Variants in PKHD1 observed in about 807,000 individuals in gnomAD.
The protein encoded by PKHD1 is PKHD1 ciliary IPT domain containing fibrocystin/polyductin.
In PKHD1, 291 loss-of-function variants were observed where a neutral mutation model predicts 412.0. That is an observed-to-expected ratio of 0.71 (90% CI 0.64 to 0.78). The LOEUF (loss-of-function observed/expected upper bound fraction) is 0.78. Among genes scored for constraint, PKHD1 ranks in the 30% least tolerant of loss-of-function variants. The probability of loss-of-function intolerance (pLI) is 0.00; values close to 1 mark genes in which losing one functional copy is unlikely to be tolerated. For synonymous variants in PKHD1, 1,777 were observed against 1,821.5 expected (o/e 0.98, Z 0.62); for missense variants, 4,825 against 4,950.7 (o/e 0.97, Z 0.76).
chr6:51,817,153 G>C (rs546573238), intron 52 of PKHD1, among the ~76,000 whole-genome samples: 4 of 19,730 alleles, frequency 2.0e-4, no homozygotes, highest in African/African-American at 2.2e-4. Context: ...GTTTTTTGAG[G>C]GGTTTTTTTT....
At chr6:51,812,958 A>C (rs560992925) in intron 52 of PKHD1, among the ~76,000 whole-genome samples, 138 of 152,346 alleles carry the variant, frequency 9.1e-4, no homozygotes, top group South Asian at 7.3e-3. Context: ...ATTGCCAATC[A>C]GAAAATCTTT....
At chr6:51,697,302 T>C (rs894538809) in intron 60 of PKHD1, among the ~76,000 whole-genome samples, 7 of 152,234 alleles carry the variant, frequency 4.6e-5, no homozygotes, top group African/African-American at 1.4e-4. Flanking sequence ...GTCATGAAAT[T>C]TGTGTTAGAT....
chr6:51,647,917 T>A, intron 63 of PKHD1, 114 bp downstream of exon 63: 1 of 740,134 alleles, frequency 1.4e-6, no homozygotes, highest in Non-Finnish European at 2.5e-6. Flanking sequence ...TCTTCCCAAA[T>A]TACTGAAGAA....
At chr6:51,722,925 G>A (rs1329988140) in intron 60 of PKHD1, among the ~76,000 whole-genome samples, 2 of 152,046 alleles carry the variant, frequency 1.3e-5, no homozygotes, top group African/African-American at 2.4e-5. Flanking sequence ...ACAGAAATAG[G>A]CCTGCTCTGA....
intron 56 of PKHD1, among the ~76,000 whole-genome samples, chr6:51,754,101 C>T (rs1562237583): frequency 6.6e-6 from 1 of 152,146 alleles, no homozygotes; most frequent in Non-Finnish European, 1.5e-5. Context: ...CATTCTCCAT[C>T]CCCTTTATTT....
At chr6:51,905,455 G>A (rs1781933641) in intron 41 of PKHD1, among the ~76,000 whole-genome samples, 1 of 152,172 alleles carries the variant, frequency 6.6e-6, no homozygotes, top group African/African-American at 2.4e-5. Flanking sequence ...TGTTGCAAGA[G>A]AAGAGTAAGT....
At chr6:51,776,010 T>C (rs1398488517) in intron 53 of PKHD1, 89 bp from the exon 54 acceptor site, 3 of 714,682 alleles carry the variant, frequency 4.2e-6, no homozygotes, top group Admixed American at 1.9e-5. Flanking sequence ...AATAATGCAA[T>C]GTAGATACTG....
chr6:51,714,292 C>T (rs1780998644), intron 60 of PKHD1, among the ~76,000 whole-genome samples: 1 of 152,138 alleles, frequency 6.6e-6, no homozygotes, highest in South Asian at 2.1e-4. Flanking sequence ...GTTGCTTGAA[C>T]CCAGGAGGCG....
chr6:52,053,269 G>A lies in PKHD1; in HGVS notation c.1965-18C>T. ...ACTGCCAGCTGAAAAACAGCATGGA[G>A]CAGAACTGGGCTCTCAGGGAGCACT... is the stretch of plus-strand genomic sequence containing the variant. On this transcript the variant is annotated intron_variant, in intron 20 of 66. Transcript: ENST00000371117. The A allele has an allele frequency of 6.2e-7, 1 of 1,613,406 alleles. No individual in the cohort carries two copies.
intron 16 of PKHD1, among the ~76,000 whole-genome samples, chr6:52,057,860 A>G (rs1808019343): frequency 6.6e-6 from 1 of 152,276 alleles, no homozygotes; most frequent in South Asian, 2.1e-4. Context: ...AACAAAAACT[A>G]TAACACATAA....
chr6:51,683,007 A>G (rs577762607), intron 60 of PKHD1, among the ~76,000 whole-genome samples: 152 of 152,214 alleles, frequency 1.0e-3, no homozygotes, highest in African/African-American at 3.6e-3. Context: ...TTACCCAAAC[A>G]ATCAGCTAAC....
At chr6:51,987,129 C>A (rs1437482155) in intron 35 of PKHD1, among the ~76,000 whole-genome samples, 1 of 152,184 alleles carries the variant, frequency 6.6e-6, no homozygotes, top group Non-Finnish European at 1.5e-5. Flanking sequence ...GCTGAGAGAG[C>A]CCTCCAGGGT....
Position 52,042,877 on chromosome 6 carries a change from A to G in PKHD1, c.3079T>C (p.Ser1027Pro), listed in dbSNP as rs1234283915. 6.2e-7 allele frequency: 1 copy of G among 1,613,920 alleles called. No homozygotes were observed. The highest frequency in any genetic ancestry group is 1.3e-5 in the African/African-American group (1 of 75,034). The change falls in exon 27 of 67, where the codon TCC becomes CCC. Residue 1027 changes from serine to proline, a missense_variant. Physicochemically the swap from Ser to Pro is moderately conservative, Grantham distance 74. Coordinates refer to ENST00000371117, the MANE Select transcript of PKHD1 (RefSeq NM_138694.4). ...VKPRLDMVEP[S>P]RAADIGGLWA... The stretch of plus-strand genomic sequence containing the variant: ...AGATTACCAATATCCGCAGCTCTGG[A>G]AGGCTCCACCATATCCAGTCTAGGT...
chr6:51,731,214 T>C (rs964807982), intron 60 of PKHD1, among the ~76,000 whole-genome samples: 1 of 151,542 alleles, frequency 6.6e-6, no homozygotes, highest in Non-Finnish European at 1.5e-5. Context: ...CTTGAAATAA[T>C]ATGGGAAAAA....
chr6:51,846,906 ACT>A (rs1771264087), intron 50 of PKHD1, among the ~76,000 whole-genome samples: 1 of 151,664 alleles, frequency 6.6e-6, no homozygotes, highest in African/African-American at 2.4e-5. Context: ...TCTACCTTGG[ACT>A]CTCTACTGTT....
rs558750396 is a variant in PKHD1, at chr6:52,021,267, T to A, written c.5380+1534A>T. Among the ~76,000 whole-genome samples, 3 of 152,324 alleles carry A rather than the reference T, an allele frequency of 2.0e-5. No individual in the cohort carries two copies. The East Asian group carries it at 5.8e-4, about 29-fold the overall frequency. On this transcript the variant is annotated intron_variant, in intron 33 of 66. Coordinates refer to ENST00000371117, the MANE Select transcript of PKHD1 (RefSeq NM_138694.4). ...TCTAAATCTTTCTAAACACAATAAT[T>A]ATTTTATTATTCTTCCCCAAGAAGT...
intron 47 of PKHD1, among the ~76,000 whole-genome samples, chr6:51,869,042 C>CA (rs1775536477): frequency 6.6e-6 from 1 of 152,002 alleles, no homozygotes; most frequent in African/African-American, 2.4e-5. Context: ...GAAAAAGATA[C>CA]AAATAGAGGC....
chr6:51,868,404 C>G (rs1216187121), intron 47 of PKHD1, among the ~76,000 whole-genome samples: 4 of 151,994 alleles, frequency 2.6e-5, no homozygotes, highest in African/African-American at 9.7e-5. Context: ...TTTTACCTTC[C>G]AAGAGACATG....
chr6:51,912,016 A>T, intron 38 of PKHD1, 60 bp from the exon 39 acceptor site: 1 of 1,265,434 alleles, frequency 7.9e-7, no homozygotes, highest in Admixed American at 1.8e-5. Flanking sequence ...ACTAGGAATA[A>T]TAAGCCACTA....
Sources: gnomAD v4.1 joint callset for allele counts (sites outside exome capture counted in the v4.1 genomes callset) on GRCh38, gnomAD v4.1.1 for gene constraint, MANE v1.5 for transcripts, NCBI Gene and HGNC (gene_info 2026-07-23, HGNC 2026-07-21) for gene names.